The following LRRC7 variants were observed in gnomAD, a reference collection of about 807,000 sequenced individuals.
LRRC7 encodes the protein leucine-rich repeat-containing protein 7.
In LRRC7, 23 loss-of-function variants were observed where a neutral mutation model predicts 175.7. The ratio of observed to expected loss-of-function variants is 0.13; its 90% confidence interval spans 0.09 to 0.19. The LOEUF is 0.19. LRRC7 is among the 10% of genes least tolerant of loss of function. LRRC7 has a pLI of 1.00. For synonymous variants in LRRC7, 685 were observed against 680.9 expected (o/e 1.01, Z -0.09); for missense variants, 1,354 against 1,904.7 (o/e 0.71, Z 5.38).
Position 70,038,350 on chromosome 1 carries a change from G to C in LRRC7, c.2526G>C (p.Ser842=). 1 of 1,614,054 alleles carries C rather than the reference G, an allele frequency of 6.2e-7. No homozygotes were observed. The highest frequency in any genetic ancestry group is 8.5e-7 in the Non-Finnish European group (1 of 1,180,000). Residue 842 remains serine, a synonymous_variant, in exon 21 of 27, where the codon TCG becomes TCC. Transcript: ENST00000651989. ...GTTCGAAATCTAGAAGCACATCTTC[G>C]CATGGACGCAGGCCTTTGATCAGGC... The part of the protein sequence containing the change: ...LLSSKSRSTS[S]HGRRPLIRQD...
At chr1:69,805,419 G>C (rs571036296) in intron 4 of LRRC7, among the ~76,000 whole-genome samples, 1 of 151,792 alleles carries the variant, frequency 6.6e-6, no homozygotes, top group Non-Finnish European at 1.5e-5. Context: ...TTGTGTCAGG[G>C]AGAAAATGGT....
intron 7 of LRRC7, among the ~76,000 whole-genome samples, chr1:69,903,291 G>A (rs1269769477): frequency 2.0e-5 from 3 of 152,186 alleles, no homozygotes; most frequent in Non-Finnish European, 2.9e-5. Context: ...TCATCTCACT[G>A]GGACTGGTTA....
chr1:70,115,845 T>A (rs1017045031), intron 26 of LRRC7, among the ~76,000 whole-genome samples: 4 of 152,218 alleles, frequency 2.6e-5, no homozygotes, highest in Non-Finnish European at 5.9e-5. Flanking sequence ...AAAATGAACC[T>A]GTCATTTTTA....
At chr1:69,743,503 A>C (rs1668936395) in intron 2 of LRRC7, among the ~76,000 whole-genome samples, 1 of 152,030 alleles carries the variant, frequency 6.6e-6, no homozygotes, top group African/African-American at 2.4e-5. Flanking sequence ...CCAATTAGAA[A>C]GCAATTTAAC....
rs183078061 is a variant in LRRC7 at position 70,122,817 on chromosome 1, T to A, written c.*930T>A. The A allele has an allele frequency of 6.6e-6, 1 of 152,658 alleles. No homozygotes were observed. Among genetic ancestry groups the A allele is most frequent in the Non-Finnish European group, 1.5e-5 (1 of 67,942 alleles). 9.5% of individuals were successfully genotyped at this position (152,658 alleles called of 1,614,324 possible). On this transcript the variant is annotated 3_prime_UTR_variant, in exon 27 of 27. Transcript: ENST00000651989. ...CTTGTAAATGTGGAATTTATTTGTG[T>A]GTTGCTTAATCTAATTTGCTGCTTT...
intron 2 of LRRC7, among the ~76,000 whole-genome samples, chr1:69,711,304 T>C (rs1664724297): frequency 6.6e-6 from 1 of 152,208 alleles, no homozygotes; most frequent in African/African-American, 2.4e-5. Context: ...TCACATTTCT[T>C]TGATATGCAG....
chr1:69,653,660 C>T (rs1656190944), intron 1 of LRRC7, among the ~76,000 whole-genome samples: 1 of 152,008 alleles, frequency 6.6e-6, no homozygotes. Context: ...AGGCATTTAT[C>T]CAAAACAATT....
intron 1 of LRRC7, among the ~76,000 whole-genome samples, chr1:69,641,632 C>A (rs964011724): frequency 3.3e-5 from 5 of 151,530 alleles, no homozygotes; most frequent in Non-Finnish European, 7.4e-5. Context: ...TAATTACCAC[C>A]TTTAACCAAA....
At chr1:69,573,746 A>C (rs967386351) in intron 1 of LRRC7, among the ~76,000 whole-genome samples, 1 of 152,174 alleles carries the variant, frequency 6.6e-6, no homozygotes, top group African/African-American at 2.4e-5. Flanking sequence ...GTGTACACTC[A>C]TTCTCATTTT....
rs569681708 is a variant in LRRC7 at position 70,042,319 on chromosome 1, A to G, written c.3970-1635A>G. 3.3e-5 allele frequency among the ~76,000 whole-genome samples: 5 copies of G among 152,324 alleles called. No homozygotes were observed. The South Asian group carries it at 8.3e-4, about 25-fold the overall frequency. ...CTGTGCTACTTAACATTCTGTCCAA[A>G]GGCAGACTGCACCAGAGAAATAATG... is the stretch of plus-strand genomic sequence containing the variant. On this transcript the variant is annotated intron_variant, in intron 21 of 26. Transcript: ENST00000651989.
chr1:69,631,088 A>G (rs886151670), intron 1 of LRRC7, among the ~76,000 whole-genome samples: 3 of 152,056 alleles, frequency 2.0e-5, no homozygotes, highest in Non-Finnish European at 2.9e-5. Context: ...AATTTTATAC[A>G]TCCATATAAT....
chr1:70,100,458 C>G (rs961959937), intron 25 of LRRC7, among the ~76,000 whole-genome samples: 7 of 152,030 alleles, frequency 4.6e-5, no homozygotes, highest in Admixed American at 3.3e-4. Flanking sequence ...CATTATATTG[C>G]CACTAAGAGA....
intron 7 of LRRC7, among the ~76,000 whole-genome samples, chr1:69,895,690 G>T (rs12029982): frequency 0.14 from 21,695 of 152,102 alleles, 2,282 homozygotes; most frequent in African/African-American, 0.3. Context: ...TAACTATACA[G>T]TATATTCTCT....
intron 2 of LRRC7, among the ~76,000 whole-genome samples, chr1:69,756,719 A>G (rs1670474798): frequency 6.6e-6 from 1 of 151,962 alleles, no homozygotes; most frequent in Non-Finnish European, 1.5e-5. Flanking sequence ...CAGCAAGTGA[A>G]CAGACATTAT....
At chr1:69,698,670 T>C (rs1432720106) in intron 2 of LRRC7, among the ~76,000 whole-genome samples, 1 of 152,218 alleles carries the variant, frequency 6.6e-6, no homozygotes, top group Non-Finnish European at 1.5e-5. Context: ...TGAACAACCA[T>C]ATTTCATGAC....
chr1:69,808,988 G>A (rs912572951), intron 4 of LRRC7, among the ~76,000 whole-genome samples: 16 of 152,040 alleles, frequency 1.1e-4, no homozygotes, highest in African/African-American at 3.9e-4. Flanking sequence ...ATGAATCCAG[G>A]AGCTGGTTTT....
At chr1:69,804,412 C>A (rs950901994) in intron 4 of LRRC7, among the ~76,000 whole-genome samples, 1 of 151,280 alleles carries the variant, frequency 6.6e-6, no homozygotes, top group African/African-American at 2.4e-5. Flanking sequence ...GAAATATTTA[C>A]CTTCTTGGAA....
rs551398733 is a variant in LRRC7 at position 69,888,482 on chromosome 1, C to T, written c.648-43025C>T. ...GCCTCGCCCTGCTTTGGCTCGCGCA[C>T]GGTGCGCGCACCCACTGACCTGCAC... On this transcript the variant is annotated intron_variant, in intron 7 of 26. Coordinates refer to ENST00000651989, the MANE Select transcript of LRRC7 (RefSeq NM_001370785.2). Among the ~76,000 whole-genome samples, 40 of 152,268 alleles carry T rather than the reference C, an allele frequency of 2.6e-4. 1 individual carries two copies. The highest frequency in any genetic ancestry group is 5.2e-4 in the Admixed American group (8 of 15,304).
chr1:69,604,275 A>G (rs971731851), intron 1 of LRRC7, among the ~76,000 whole-genome samples: 2 of 152,154 alleles, frequency 1.3e-5, no homozygotes, highest in Admixed American at 1.3e-4. Flanking sequence ...TCCATATTCT[A>G]TCCTACAAAG....
Sources: gnomAD v4.1 joint callset for allele counts (sites outside exome capture counted in the v4.1 genomes callset) on GRCh38, gnomAD v4.1.1 for gene constraint, MANE v1.5 for transcripts, NCBI Gene and HGNC (gene_info 2026-07-23, HGNC 2026-07-21) for gene names.